Variants in HACD2 observed in about 807,000 individuals in gnomAD.
The protein encoded by HACD2 is 3-hydroxyacyl-CoA dehydratase 2.
HACD2 carries 15 observed loss-of-function variants against 31.0 expected under a neutral mutation model. The ratio of observed to expected loss-of-function variants is 0.48; its 90% CI spans 0.32 to 0.75. The LOEUF is 0.75. Among genes scored for constraint, HACD2 ranks in the 30% least tolerant of loss-of-function variants. The pLI, the probability that HACD2 is intolerant of heterozygous loss-of-function variation, is 0.03. For missense variants in HACD2, 283 were observed against 313.0 expected, an observed-to-expected ratio of 0.90 and a Z score of 0.72; for synonymous variants, 115 against 122.2, an observed-to-expected ratio of 0.94 and a Z score of 0.39.
chr3:123,511,040 T>A (rs1458867567), intron 4 of HACD2, among the ~76,000 whole-genome samples: 1 of 152,080 alleles, frequency 6.6e-6, no homozygotes, highest in African/African-American at 2.4e-5. Context: ...TAATGACTAG[T>A]GATGTTGAGC....
intron 5 of HACD2, among the ~76,000 whole-genome samples, chr3:123,502,255 G>A (rs563542524): frequency 2.6e-5 from 4 of 152,124 alleles, no homozygotes; most frequent in Admixed American, 6.5e-5. Context: ...GGGATGTTAC[G>A]GCAAATCTCT....
At chr3:123,531,396 T>G (rs944414610) in intron 3 of HACD2, among the ~76,000 whole-genome samples, 1 of 152,138 alleles carries the variant, frequency 6.6e-6, no homozygotes, top group Non-Finnish European at 1.5e-5. Flanking sequence ...CTTGGCTCAC[T>G]GCAACCTCCG....
rs187426922 is a variant in HACD2 at position 123,515,623 on chromosome 3, C to A, written c.381+12763G>T. 3.1e-3 allele frequency among the ~76,000 whole-genome samples: 468 copies of A among 151,920 alleles called. 10 individuals carry two copies. The highest frequency in any genetic ancestry group is 0.026 in the Admixed American group (401 of 15,260). On this transcript the variant is annotated intron_variant, in intron 4 of 6. Transcript: ENST00000383657. ...GGGTCCTTTCTCTAACTTGATTAAG[C>A]TTTTTTGAACAAAAATGTTAAGTCA...
intron 3 of HACD2, among the ~76,000 whole-genome samples, chr3:123,545,775 G>A (rs1313650468): frequency 5.3e-5 from 8 of 149,932 alleles, no homozygotes; most frequent in African/African-American, 2.0e-4. Context: ...GCAGTGGTGC[G>A]ATCTTAGCTC....
At chr3:123,511,294 T>C (rs1559903116) in intron 4 of HACD2, among the ~76,000 whole-genome samples, 1 of 152,156 alleles carries the variant, frequency 6.6e-6, no homozygotes, top group African/African-American at 2.4e-5. Flanking sequence ...CCAAGGTATG[T>C]CTCCTAAACC....
intron 2 of HACD2, among the ~76,000 whole-genome samples, chr3:123,570,689 G>T (rs2056844195): frequency 6.6e-6 from 1 of 152,048 alleles, no homozygotes; most frequent in South Asian, 2.1e-4. Context: ...CTATCCTTCT[G>T]CTTTGAAATC....
At chr3:123,523,889 T>C (rs919335546) in intron 4 of HACD2, among the ~76,000 whole-genome samples, 3 of 152,198 alleles carry the variant, frequency 2.0e-5, no homozygotes, top group African/African-American at 7.2e-5. Flanking sequence ...CCAAAGTCAG[T>C]CTTGCTTCTT....
At chr3:123,566,969 C>T (rs1210429688) in intron 3 of HACD2, among the ~76,000 whole-genome samples, 1 of 152,180 alleles carries the variant, frequency 6.6e-6, no homozygotes, top group African/African-American at 2.4e-5. Context: ...AATATAGCAA[C>T]TACCCACTTT....
intron 3 of HACD2, among the ~76,000 whole-genome samples, chr3:123,540,862 A>G (rs892441208): frequency 6.6e-6 from 1 of 152,178 alleles, no homozygotes; most frequent in African/African-American, 2.4e-5. Context: ...TATACTAATA[A>G]CCCATAAGTA....
chr3:123,525,722 A>G (rs147426813), intron 4 of HACD2, among the ~76,000 whole-genome samples: 384 of 152,332 alleles, frequency 2.5e-3, no homozygotes, highest in African/African-American at 8.6e-3. Flanking sequence ...AGAGGGGAAT[A>G]TGATATAAAA....
At chr3:123,498,963 G>T (rs1210831637) in intron 6 of HACD2, among the ~76,000 whole-genome samples, 2 of 152,192 alleles carry the variant, frequency 1.3e-5, no homozygotes, top group African/African-American at 2.4e-5. Flanking sequence ...CTGCCCTGGG[G>T]AGTGGTTCCT....
At chr3:123,569,807 G>A (rs2056832967) in intron 2 of HACD2, among the ~76,000 whole-genome samples, 1 of 151,808 alleles carries the variant, frequency 6.6e-6, no homozygotes, top group South Asian at 2.1e-4. Context: ...GGCCAACATG[G>A]TGAAACCCCA....
At chr3:123,535,573 A>T (rs1332361783) in intron 3 of HACD2, among the ~76,000 whole-genome samples, 1 of 152,228 alleles carries the variant, frequency 6.6e-6, no homozygotes, top group African/African-American at 2.4e-5. Context: ...ATATTGGTGA[A>T]TCAACAAAAT....
intron 3 of HACD2, among the ~76,000 whole-genome samples, chr3:123,567,313 G>A (rs556634679): frequency 1.3e-5 from 2 of 152,188 alleles, no homozygotes; most frequent in African/African-American, 4.8e-5. Context: ...CCCTTTATAC[G>A]TAGTACTTCT....
In HACD2 at chr3:123,554,687, C is replaced by T. The variant is rs147864784; in HGVS notation, c.292+13075G>A. On this transcript the variant is annotated intron_variant, in intron 3 of 6. Coordinates refer to ENST00000383657, the MANE Select transcript of HACD2 (RefSeq NM_198402.5). The stretch of plus-strand genomic sequence containing the variant: ...ATTATATGAAAGATTTTCAAACTGG[C>T]TCACAAAACAAAACCCAACTCTATG... 8.9e-4 allele frequency among the ~76,000 whole-genome samples: 136 copies of T among 152,178 alleles called. 1 individual carries two copies. Among genetic ancestry groups the T allele is most frequent in the Non-Finnish European group, 1.1e-3 (75 of 68,022 alleles).
At chr3:123,501,093 A>C (rs990258227) in intron 5 of HACD2, among the ~76,000 whole-genome samples, 6 of 152,314 alleles carry the variant, frequency 3.9e-5, no homozygotes, top group African/African-American at 1.4e-4. Context: ...AGGTGTTGGA[A>C]CATGTGGTCT....
intron 4 of HACD2, among the ~76,000 whole-genome samples, chr3:123,507,626 G>A (rs1227733735): frequency 6.6e-6 from 1 of 151,994 alleles, no homozygotes. Flanking sequence ...ATTATAAAAG[G>A]GCATAAGGTC....
intron 3 of HACD2, 50 bp from the exon 4 acceptor site, chr3:123,528,524 A>T: frequency 1.9e-6 from 2 of 1,058,586 alleles, no homozygotes; most frequent in South Asian, 1.3e-5. Flanking sequence ...CTAAGTTTCG[A>T]TATATAATAT....
intron 4 of HACD2, among the ~76,000 whole-genome samples, chr3:123,512,161 T>A (rs2056071666): frequency 6.6e-6 from 1 of 152,224 alleles, no homozygotes; most frequent in Non-Finnish European, 1.5e-5. Context: ...GAGCCCTGTT[T>A]ATTTCTGGAT....
Sources: gnomAD v4.1 joint callset for allele counts (sites outside exome capture counted in the v4.1 genomes callset) on GRCh38, gnomAD v4.1.1 for gene constraint, MANE v1.5 for transcripts, NCBI Gene and HGNC (gene_info 2026-07-23, HGNC 2026-07-21) for gene names.